MRC2: variants seen among roughly 807,000 people sequenced by gnomAD.
MRC2 encodes the protein mannose receptor C-type 2.
A neutral mutation model predicts 206.2 loss-of-function variants in MRC2; 84 were observed. That is an observed-to-expected ratio of 0.41 (90% CI 0.34 to 0.49). The LOEUF (loss-of-function observed/expected upper bound fraction) is 0.49, where lower values mean the gene tolerates loss of function less well. Ranked by LOEUF, MRC2 falls within the 20% of genes least tolerant of loss-of-function variation. MRC2 has a pLI of 0.31. For missense variants in MRC2, 1,676 were observed against 2,001.5 expected, an observed-to-expected ratio of 0.84 and a Z score of 3.10; for synonymous variants, 798 against 800.0, an observed-to-expected ratio of 1.00 and a Z score of 0.04.
At position 62,667,403 on chromosome 17, in the gene MRC2, C is replaced by G. The variant is rs1481220158; in HGVS notation, c.987C>G (p.Asn329Lys). The G allele has an allele frequency of 6.2e-7, 1 of 1,604,100 alleles. No individual in the cohort carries two copies. Among genetic ancestry groups the G allele is most frequent in the Admixed American group, 1.7e-5 (1 of 57,400 alleles). ...CCCTCCCCACAGACCAGCCGGACAACCCCAGTGAGGAGAACTGTGGAGTGA... is the reference window on the plus strand; with the variant it reads ...CCCTCCCCACAGACCAGCCGGACAAGCCCAGTGAGGAGAACTGTGGAGTGA... ...YLNWESDQPD[N>K]PSEENCGVIR... Residue 329 changes from asparagine (N) to lysine (K), a missense_variant, in exon 6 of 30, where the codon AAC becomes AAG. Asn to Lys is a moderately conservative substitution (Grantham distance 94). Coordinates refer to ENST00000303375, the MANE Select transcript of MRC2 (RefSeq NM_006039.5). This position sits in a 1 kb window ranked among gnomAD's most constrained non-coding sequence, Gnocchi z 4.1.
chr17:62,679,813 G>A lies in MRC2; in HGVS notation c.2209G>A (p.Glu737Lys). The change falls in exon 14 of 30, where the codon GAG becomes AAG. Residue 737 changes from glutamate (E) to lysine (K), a missense_variant. Glu to Lys is a moderately conservative substitution (Grantham distance 56). Coordinates refer to ENST00000303375, the MANE Select transcript of MRC2 (RefSeq NM_006039.5). ...LNKIFGESEP[E>K]IHEQHWFWIG... Reference sequence around the variant, plus strand: ...GTTGTGCTGAAGTGAATCAGAACCCGAGATCCACGAGCAGCACTGGTTCTG... The same window carrying A: ...GTTGTGCTGAAGTGAATCAGAACCCAAGATCCACGAGCAGCACTGGTTCTG... 6.2e-7 allele frequency: 1 copy of A among 1,613,894 alleles called. No homozygotes were observed. Among genetic ancestry groups the A allele is most frequent in the Non-Finnish European group, 8.5e-7 (1 of 1,179,958 alleles).
Position 62,680,143 on chromosome 17 carries a change from C to G in MRC2, c.2299-27C>G, listed in dbSNP as rs781426651. 6.2e-7 allele frequency: 1 copy of G among 1,613,672 alleles called. No homozygotes were observed. The highest frequency in any genetic ancestry group is 1.3e-5 in the African/African-American group (1 of 74,936). On this transcript the variant is annotated intron_variant, in intron 14 of 29. Transcript: ENST00000303375. This position sits in a 1 kb window ranked among gnomAD's most constrained non-coding sequence, Gnocchi z 4.8. ...CGGCCTGCACCTTGCGCCTCACGTT[C>G]CTCTTCCCTCCACCCGCCTCCTCCA...
intron 1 of MRC2, among the ~76,000 whole-genome samples, chr17:62,646,110 T>C (rs1184083487): frequency 2.0e-5 from 3 of 150,510 alleles, no homozygotes; most frequent in African/African-American, 7.4e-5. Flanking sequence ...CTGCAAGCTC[T>C]GCCTCCCAGG....
At chr17:62,645,699 A>G (rs1480772478) in intron 1 of MRC2, among the ~76,000 whole-genome samples, 2 of 149,616 alleles carry the variant, frequency 1.3e-5, no homozygotes, top group African/African-American at 4.9e-5. Flanking sequence ...AACTGCAGCT[A>G]ATTTTTTTTT....
chr17:62,649,567 C>T (rs1441544888), intron 1 of MRC2, among the ~76,000 whole-genome samples: 2 of 152,046 alleles, frequency 1.3e-5, no homozygotes, highest in East Asian at 3.9e-4. Context: ...CTCCAGCCTG[C>T]GTGACAGAGA....
At chr17:62,683,866 A>C (rs982986974) in intron 20 of MRC2, 2 of 134,120 alleles carry the variant, frequency 1.5e-5, no homozygotes, top group African/African-American at 6.4e-5. Context: ...CCCTTTCTCC[A>C]AAAAAAAAAA....
chr17:62,639,419 T>G (rs1408509513), intron 1 of MRC2, among the ~76,000 whole-genome samples: 1 of 152,164 alleles, frequency 6.6e-6, no homozygotes, highest in Non-Finnish European at 1.5e-5. Flanking sequence ...CTACTTAAAC[T>G]AGCAAAAACA....
Position 62,671,660 on chromosome 17 carries a change from A to G in MRC2, c.1129A>G (p.Asn377Asp). ...ATGGGTCTCTGCAGACAGGTGGGCCAATGTGAAGGTGGAGTGCGAGCCGAG... is the reference window on the plus strand; with the variant it reads ...ATGGGTCTCTGCAGACAGGTGGGCCGATGTGAAGGTGGAGTGCGAGCCGAG... Reference protein sequence around the residue: ...AEPTPPDRWANVKVECEPSWQ... With the variant: ...AEPTPPDRWADVKVECEPSWQ... The change falls in exon 7 of 30, where the codon AAT (asparagine) becomes GAT (aspartate). Residue 377 changes from asparagine to aspartate, a missense_variant. By Grantham distance (23) the Asn-to-Asp change is conservative. Coordinates refer to ENST00000303375, the MANE Select transcript of MRC2 (RefSeq NM_006039.5). The surrounding 1 kb of genome is among the most constrained non-coding windows in gnomAD (Gnocchi z 4.5). 6.3e-7 allele frequency: 1 copy of G among 1,585,364 alleles called. No individual in the cohort carries two copies. The highest frequency in any genetic ancestry group is 1.2e-5 in the South Asian group (1 of 86,460).
intron 19 of MRC2, 103 bp from the exon 20 acceptor site, chr17:62,682,132 C>G (rs1216461216): frequency 7.7e-7 from 1 of 1,296,812 alleles, no homozygotes; most frequent in Non-Finnish European, 1.0e-6. Context: ...GGCCCTGAGC[C>G]TCTGCCCAGA....
At position 62,631,721 on chromosome 17, in the gene MRC2, G is replaced by A. The variant is rs532616859; in HGVS notation, c.118+3801G>A. On this transcript the variant is annotated intron_variant, in intron 1 of 29. Transcript: ENST00000303375. ...GGGTCCAGGAGGCCTGGACCGAGCC[G>A]CCTGCAGTGTCCTCAGGATCTCTGA... Among the ~76,000 whole-genome samples the A allele has an allele frequency of 7.2e-5, 11 of 152,130 alleles. No individual in the cohort carries two copies. In the East Asian group the frequency reaches 1.2e-3, roughly 16 times the overall value.
Position 62,667,273 on chromosome 17 carries a change from CGAACTGGCTCAGGCTTCCG to C in MRC2, c.974-116_974-98del. 6.6e-6 allele frequency: 9 copies of C among 1,363,494 alleles called. No homozygotes were observed. The highest frequency in any genetic ancestry group is 8.8e-6 in the Non-Finnish European group (9 of 1,022,350). The allele number at this position is 1,363,494 out of a possible 1,614,324, so 84.5% of individuals were successfully genotyped here. On this transcript the variant is annotated intron_variant, in intron 5 of 29. Transcript: ENST00000303375. This position sits in a 1 kb window ranked among gnomAD's most constrained non-coding sequence, Gnocchi z 4.1. ...AGCTGGAGCTGAGCACCAGGCTTCC[CGAACTGGCTCAGGCTTCCG>C]AGGGAGCAGAGGGAGGTAGGAGGTT...
intron 1 of MRC2, among the ~76,000 whole-genome samples, chr17:62,662,117 G>A (rs1469158060): frequency 6.6e-6 from 1 of 152,026 alleles, no homozygotes; most frequent in African/African-American, 2.4e-5. Flanking sequence ...AGGCATGGTG[G>A]CATGTGCCTG....
rs374317438 is a variant in MRC2 at position 62,671,713 on chromosome 17, C to T, written c.1182C>T (p.Tyr394=). ...GGCAGCCCTTCCAGGGCCACTGCTA[C>T]CGCCTGCAGGCCGAGAAGCGCAGCT... The part of the protein sequence containing the change: ...PSWQPFQGHC[Y]RLQAEKRSWQ... Residue 394 remains tyrosine, a synonymous_variant, in exon 7 of 30, where the codon TAC becomes TAT. Transcript: ENST00000303375. The surrounding 1 kb of genome is among the most constrained non-coding windows in gnomAD (Gnocchi z 4.5). 8.1e-6 allele frequency: 13 copies of T among 1,612,526 alleles called. No homozygotes were observed. In the African/African-American group the frequency reaches 1.3e-4, roughly 17 times the overall value.
At chr17:62,647,933 A>G (rs1257005037) in intron 1 of MRC2, among the ~76,000 whole-genome samples, 12 of 152,150 alleles carry the variant, frequency 7.9e-5, no homozygotes, top group Non-Finnish European at 7.3e-5. Flanking sequence ...GTACCTGCTA[A>G]GTGCTCAGTA....
At position 62,688,875 on chromosome 17, in the gene MRC2, C is replaced by A; in HGVS notation, c.3249C>A (p.His1083Gln). ...NKPTSCAVVL[H>Q]SPSAHFTGRW... Reference sequence around the variant, plus strand: ...AGACCAGCTGTGCAGTGGTCCTGCACAGCCCCTCAGCCCACTTCACTGGCC... The same window carrying A: ...AGACCAGCTGTGCAGTGGTCCTGCAAAGCCCCTCAGCCCACTTCACTGGCC... Residue 1083 changes from histidine to glutamine, a missense_variant, in exon 23 of 30, where the codon CAC (histidine) becomes CAA (glutamine). By Grantham distance (24) the His-to-Gln change is conservative. Around this residue, in one of 3 missense-constraint regions of MRC2, gnomAD observed 1,354 missense variants for 1,636.6 expected, o/e 0.83. Coordinates refer to ENST00000303375, the MANE Select transcript of MRC2 (RefSeq NM_006039.5). The A allele has an allele frequency of 1.2e-6, 2 of 1,612,842 alleles. No individual in the cohort carries two copies. The highest frequency in any genetic ancestry group is 1.7e-6 in the Non-Finnish European group (2 of 1,179,866).
chr17:62,676,369 C>T lies in MRC2; in HGVS notation c.1686-14C>T. On this transcript the variant is annotated splice_polypyrimidine_tract_variant and intron_variant, in intron 10 of 29. Transcript: ENST00000303375. ...GCAGGGAGATCCCTGCCCTGACCAGCCTGTCTCCTGAAGGTTCGAGCAGGC... is the reference window on the plus strand; with the variant it reads ...GCAGGGAGATCCCTGCCCTGACCAGTCTGTCTCCTGAAGGTTCGAGCAGGC... 1 of 1,613,396 alleles carries T rather than the reference C, an allele frequency of 6.2e-7. No homozygotes were observed. Among genetic ancestry groups the T allele is most frequent in the Non-Finnish European group, 8.5e-7 (1 of 1,179,826 alleles).
chr17:62,666,929 C>G lies in MRC2; in HGVS notation c.973+59C>G. 1 of 1,277,482 alleles carries G rather than the reference C, an allele frequency of 7.8e-7. No individual in the cohort carries two copies. The highest frequency in any genetic ancestry group is 2.2e-4 in the Middle Eastern group (1 of 4,484). 79.1% of individuals were successfully genotyped at this position (1,277,482 alleles called of 1,614,324 possible). On this transcript the variant is annotated intron_variant, in intron 5 of 29. Transcript: ENST00000303375. This position sits in a 1 kb window ranked among gnomAD's most constrained non-coding sequence, Gnocchi z 5.0. ...AGGGGCCCCGCGGGCTCTTGGCCTC[C>G]CATGGACTCCTCTCCTCATGTCCTC... is the stretch of plus-strand genomic sequence containing the variant.
intron 21 of MRC2, 37 bp from the exon 22 acceptor site, chr17:62,688,464 A>C (rs2089059391): frequency 1.2e-6 from 2 of 1,614,054 alleles, no homozygotes; most frequent in Admixed American, 1.7e-5. Flanking sequence ...AAATAGCTAT[A>C]GCAGAGTCAC....
rs543164634 is a variant in MRC2, at chr17:62,640,003, G to T, written c.118+12083G>T. 7.1e-5 allele frequency among the ~76,000 whole-genome samples: 10 copies of T among 140,728 alleles called. No homozygotes were observed. The South Asian group carries it at 8.9e-4, about 13-fold the overall frequency. The allele number at this position is 140,728 out of a possible 152,430, so 92.3% of individuals were successfully genotyped here. ...CGAGTAGCTGGGATTACAGGCACCT[G>T]CCACCATGCCCAGCTTTTTTTTTTT... On this transcript the variant is annotated intron_variant, in intron 1 of 29. Coordinates refer to ENST00000303375, the MANE Select transcript of MRC2 (RefSeq NM_006039.5).
Sources: gnomAD v4.1 joint callset for allele counts (sites outside exome capture counted in the v4.1 genomes callset) on GRCh38, gnomAD v4.1.1 for gene constraint, gnomAD v4.1.1 regional missense constraint, Gnocchi (gnomAD v3.1) non-coding constraint, MANE v1.5 for transcripts, NCBI Gene and HGNC (gene_info 2026-07-23, HGNC 2026-07-21) for gene names.